Variants in LRP1B observed in about 807,000 individuals in gnomAD.
The protein encoded by LRP1B is LDL receptor related protein 1B.
A neutral mutation model predicts 556.6 loss-of-function variants in LRP1B; 217 were observed. The ratio of observed to expected loss-of-function variants is 0.39; its 90% confidence interval spans 0.35 to 0.44. The LOEUF is 0.44. LRP1B is among the 20% of genes least tolerant of loss of function. The pLI, the probability that LRP1B is intolerant of heterozygous loss-of-function variation, is 1.00. For missense variants in LRP1B, 5,053 were observed against 5,620.8 expected, an observed-to-expected ratio of 0.90 and a Z score of 3.23; for synonymous variants, 2,047 against 1,865.8, an observed-to-expected ratio of 1.10 and a Z score of -2.50.
chr2:140,718,406 A>G (rs957154327), intron 35 of LRP1B, among the ~76,000 whole-genome samples: 1 of 151,842 alleles, frequency 6.6e-6, no homozygotes, highest in African/African-American at 2.4e-5. Flanking sequence ...CTTTCAATAC[A>G]TATCTATTAT....
At chr2:141,153,465 TAATA>T (rs566658794) in intron 7 of LRP1B, among the ~76,000 whole-genome samples, 32 of 117,486 alleles carry the variant, frequency 2.7e-4, no homozygotes, top group Middle Eastern at 4.8e-3. Flanking sequence ...TATTTATATA[TAATA>T]AATAATATAT....
At chr2:141,446,153 A>T (rs1374910909) in intron 3 of LRP1B, among the ~76,000 whole-genome samples, 1 of 152,100 alleles carries the variant, frequency 6.6e-6, no homozygotes. Flanking sequence ...TGTTGAATTG[A>T]TCCCTTTACC....
At chr2:140,802,034 T>C (rs1432995324) in intron 32 of LRP1B, among the ~76,000 whole-genome samples, 1 of 152,140 alleles carries the variant, frequency 6.6e-6, no homozygotes, top group East Asian at 1.9e-4. Flanking sequence ...TGGCCCCAGT[T>C]CCCTCTGAGC....
intron 2 of LRP1B, among the ~76,000 whole-genome samples, chr2:141,537,491 T>C (rs1039665976): frequency 1.3e-5 from 2 of 152,160 alleles, no homozygotes; most frequent in African/African-American, 4.8e-5. Flanking sequence ...TGTTTAATCA[T>C]TGTTTTATAA....
At chr2:140,511,773 A>C (rs534171439) in intron 51 of LRP1B, among the ~76,000 whole-genome samples, 35 of 152,212 alleles carry the variant, frequency 2.3e-4, no homozygotes, top group Non-Finnish European at 4.6e-4. Flanking sequence ...TACTGGAAGA[A>C]GTTAGAAAAT....
intron 2 of LRP1B, among the ~76,000 whole-genome samples, chr2:141,628,953 C>A (rs546459212): frequency 2.0e-5 from 3 of 152,166 alleles, no homozygotes; most frequent in African/African-American, 7.2e-5. Flanking sequence ...CCAGGCTGAA[C>A]AAGTGTTGTA....
intron 66 of LRP1B, among the ~76,000 whole-genome samples, chr2:140,428,859 T>C (rs1023791672): frequency 6.6e-6 from 1 of 152,156 alleles, no homozygotes; most frequent in Non-Finnish European, 1.5e-5. Context: ...TTTTAAGCAC[T>C]CTTTTTTAGT....
intron 20 of LRP1B, among the ~76,000 whole-genome samples, chr2:140,933,918 G>C (rs1484718800): frequency 1.3e-5 from 2 of 151,578 alleles, no homozygotes; most frequent in African/African-American, 4.8e-5. Context: ...GTTGGTTTCA[G>C]TATTAAGGTT....
chr2:141,114,509 T>C (rs1220423558), intron 7 of LRP1B, among the ~76,000 whole-genome samples: 1 of 151,678 alleles, frequency 6.6e-6, no homozygotes, highest in Non-Finnish European at 1.5e-5. Context: ...GCTGATCTCC[T>C]GACTGTCTGT....
chr2:141,171,664 GGTGTAGCAGCGTAAGA>G (rs1680503298), intron 7 of LRP1B, among the ~76,000 whole-genome samples: 1 of 152,150 alleles, frequency 6.6e-6, no homozygotes, highest in South Asian at 2.1e-4. Context: ...TCGTGGCTGT[GGTGTAGCAGCGTAAGA>G]GTGTAGGCTG....
intron 35 of LRP1B, among the ~76,000 whole-genome samples, chr2:140,741,905 C>T (rs1039989663): frequency 6.6e-6 from 1 of 152,150 alleles, no homozygotes; most frequent in Non-Finnish European, 1.5e-5. Context: ...ATAATAGCCT[C>T]CAGCTCCATT....
intron 43 of LRP1B, among the ~76,000 whole-genome samples, chr2:140,597,510 T>A (rs1397591102): frequency 6.6e-6 from 1 of 152,214 alleles, no homozygotes; most frequent in Non-Finnish European, 1.5e-5. Context: ...AGAATTTCTA[T>A]GCTGCATTCT....
chr2:140,502,435 C>A (rs541110968), intron 54 of LRP1B, among the ~76,000 whole-genome samples: 1 of 151,944 alleles, frequency 6.6e-6, no homozygotes, highest in East Asian at 1.9e-4. Context: ...AAAGAAAGCC[C>A]ATTATCATGT....
chr2:141,352,463 C>T (rs1688480234), intron 3 of LRP1B, among the ~76,000 whole-genome samples: 1 of 151,880 alleles, frequency 6.6e-6, no homozygotes, highest in African/African-American at 2.4e-5. Flanking sequence ...CCCTAAGTCA[C>T]TTTCCCCTAA....
chr2:140,281,793 G>C (rs948455875), intron 84 of LRP1B, among the ~76,000 whole-genome samples: 1 of 151,706 alleles, frequency 6.6e-6, no homozygotes, highest in African/African-American at 2.4e-5. Context: ...GCCAGTTTCC[G>C]TGCAATTTAT....
At chr2:141,459,069 T>C (rs965544766) in intron 3 of LRP1B, among the ~76,000 whole-genome samples, 1 of 149,938 alleles carries the variant, frequency 6.7e-6, no homozygotes, top group Non-Finnish European at 1.5e-5. Flanking sequence ...ATCAATTAAA[T>C]TGAGCTAAAG....
At chr2:140,974,345 C>A (rs973792184) in intron 18 of LRP1B, among the ~76,000 whole-genome samples, 1 of 152,146 alleles carries the variant, frequency 6.6e-6, no homozygotes, top group Non-Finnish European at 1.5e-5. Flanking sequence ...AGTTACAAAG[C>A]ATTTTATTCA....
At chr2:141,369,649 T>C (rs1689158314) in intron 3 of LRP1B, among the ~76,000 whole-genome samples, 1 of 152,192 alleles carries the variant, frequency 6.6e-6, no homozygotes, top group Non-Finnish European at 1.5e-5. Flanking sequence ...ACAATCTGTT[T>C]TTATTTTTAT....
chr2:140,652,832 T>A (rs1684738197), intron 41 of LRP1B, among the ~76,000 whole-genome samples: 1 of 152,068 alleles, frequency 6.6e-6, no homozygotes, highest in Non-Finnish European at 1.5e-5. Context: ...GTAGATTACT[T>A]TGTGAGATTA....
Sources: gnomAD v4.1 joint callset for allele counts (sites outside exome capture counted in the v4.1 genomes callset) on GRCh38, gnomAD v4.1.1 for gene constraint, MANE v1.5 for transcripts, NCBI Gene and HGNC (gene_info 2026-07-23, HGNC 2026-07-21) for gene names.